ARL15: variants seen among roughly 807,000 people sequenced by gnomAD.
ARL15 encodes the protein ADP-ribosylation factor-like protein 15.
ARL15 carries 19 observed loss-of-function variants against 25.2 expected under a neutral mutation model. That is an observed-to-expected ratio of 0.75 (90% CI 0.53 to 1.10). The LOEUF is 1.10. Among genes scored for constraint, ARL15 ranks in the 50% least tolerant of loss-of-function variants. The pLI is 0.00. For missense variants in ARL15, 220 were observed against 246.0 expected, an observed-to-expected ratio of 0.89 and a Z score of 0.71; for synonymous variants, 94 against 86.8, an observed-to-expected ratio of 1.08 and a Z score of -0.46.
chr5:54,213,568 G>A (rs1435336862), intron 1 of ARL15, among the ~76,000 whole-genome samples: 2 of 152,178 alleles, frequency 1.3e-5, no homozygotes, highest in Non-Finnish European at 2.9e-5. Flanking sequence ...TTAGCAGTTT[G>A]AGGAAAACAG....
chr5:54,242,315 G>A (rs573472293), intron 1 of ARL15, among the ~76,000 whole-genome samples: 24 of 152,246 alleles, frequency 1.6e-4, no homozygotes, highest in African/African-American at 5.5e-4. Flanking sequence ...ATCCTGCATA[G>A]GGAAAGGCCT....
chr5:54,059,414 A>G (rs1331969488), intron 4 of ARL15, among the ~76,000 whole-genome samples: 2 of 152,252 alleles, frequency 1.3e-5, no homozygotes, highest in African/African-American at 2.4e-5. Flanking sequence ...TTTTAATTCA[A>G]CATAGTGCAC....
intron 1 of ARL15, among the ~76,000 whole-genome samples, chr5:54,289,765 T>C (rs1016700444): frequency 6.6e-6 from 1 of 152,246 alleles, no homozygotes; most frequent in Non-Finnish European, 1.5e-5. Context: ...ACCTATTTCA[T>C]TGGGTACTAA....
At chr5:54,159,028 C>T (rs1182072189) in intron 2 of ARL15, among the ~76,000 whole-genome samples, 1 of 152,142 alleles carries the variant, frequency 6.6e-6, no homozygotes, top group Non-Finnish European at 1.5e-5. Context: ...AGTCAACTGA[C>T]CAAAATACAC....
chr5:54,222,969 G>A (rs909633295), intron 1 of ARL15, among the ~76,000 whole-genome samples: 2 of 147,640 alleles, frequency 1.4e-5, no homozygotes, highest in East Asian at 4.0e-4. Context: ...ACAGGCACGC[G>A]TCACTATGCC....
At chr5:54,131,194 C>T (rs569962754) in intron 3 of ARL15, among the ~76,000 whole-genome samples, 3 of 152,230 alleles carry the variant, frequency 2.0e-5, no homozygotes, top group African/African-American at 7.2e-5. Context: ...ATGTGAAAAA[C>T]CTTGCAAAGC....
intron 4 of ARL15, among the ~76,000 whole-genome samples, chr5:54,087,589 A>G (rs1187900346): frequency 6.6e-6 from 1 of 152,172 alleles, no homozygotes; most frequent in Non-Finnish European, 1.5e-5. Context: ...ACTTACCACA[A>G]ATATTCCACT....
chr5:54,249,034 C>G (rs1757168030), intron 1 of ARL15, among the ~76,000 whole-genome samples: 1 of 151,384 alleles, frequency 6.6e-6, no homozygotes, highest in South Asian at 2.1e-4. Flanking sequence ...GAGACCCTGT[C>G]TCTAAAAAAA....
chr5:54,035,429 T>C (rs1750137849), intron 4 of ARL15, among the ~76,000 whole-genome samples: 1 of 152,224 alleles, frequency 6.6e-6, no homozygotes, highest in Non-Finnish European at 1.5e-5. Context: ...ACACATATCC[T>C]TATAGGTTTC....
At chr5:54,261,457 C>T (rs1326911045) in intron 1 of ARL15, among the ~76,000 whole-genome samples, 2 of 152,004 alleles carry the variant, frequency 1.3e-5, no homozygotes, top group East Asian at 1.9e-4. Context: ...GATTCTAGGG[C>T]CAACCACTTT....
At chr5:54,021,319 G>A (rs1438703091) in intron 4 of ARL15, among the ~76,000 whole-genome samples, 1 of 152,250 alleles carries the variant, frequency 6.6e-6, no homozygotes, top group East Asian at 1.9e-4. Context: ...TGGGCAACAA[G>A]AGTGAAACTC....
chr5:54,207,068 C>T (rs942724131), intron 1 of ARL15, among the ~76,000 whole-genome samples: 13 of 152,226 alleles, frequency 8.5e-5, no homozygotes, highest in African/African-American at 2.7e-4. Context: ...TCTCAAAGCA[C>T]CCACGTTCCT....
intron 4 of ARL15, among the ~76,000 whole-genome samples, chr5:54,085,918 C>T: frequency 7.0e-6 from 1 of 143,062 alleles, no homozygotes; most frequent in South Asian, 2.2e-4. Flanking sequence ...CACACATGAG[C>T]TTTTTTTTTT....
intron 1 of ARL15, among the ~76,000 whole-genome samples, chr5:54,200,790 T>G (rs539522330): frequency 7.9e-5 from 12 of 152,286 alleles, no homozygotes; most frequent in African/African-American, 2.6e-4. Context: ...GATGGCAAAC[T>G]TTTTATTCAT....
At chr5:54,176,993 A>T (rs770537113) in intron 1 of ARL15, among the ~76,000 whole-genome samples, 1 of 152,084 alleles carries the variant, frequency 6.6e-6, no homozygotes, top group East Asian at 1.9e-4. Context: ...CTAAACACAC[A>T]CAACCTGTCC....
intron 4 of ARL15, among the ~76,000 whole-genome samples, chr5:53,996,265 G>A (rs1258761294): frequency 1.3e-5 from 2 of 152,178 alleles, no homozygotes; most frequent in African/African-American, 4.8e-5. Context: ...GGAGCCTCTG[G>A]TTGACGAAAT....
intron 4 of ARL15, among the ~76,000 whole-genome samples, chr5:54,056,498 C>T (rs1432058873): frequency 6.6e-6 from 1 of 151,682 alleles, no homozygotes; most frequent in African/African-American, 2.4e-5. Context: ...GGCATGCTGG[C>T]GTGCCCCTGT....
chr5:54,011,234 A>T (rs923350140), intron 4 of ARL15, among the ~76,000 whole-genome samples: 3 of 146,364 alleles, frequency 2.0e-5, no homozygotes, highest in Non-Finnish European at 4.5e-5. Flanking sequence ...GAATATCCAG[A>T]GTTCTATACA....
At chr5:54,114,125 C>T (rs908107275) in intron 3 of ARL15, among the ~76,000 whole-genome samples, 16 of 152,024 alleles carry the variant, frequency 1.1e-4, no homozygotes, top group South Asian at 4.1e-4. Context: ...AGGCTGGGCG[C>T]GGTGGTTCAC....
Sources: gnomAD v4.1 joint callset for allele counts (sites outside exome capture counted in the v4.1 genomes callset) on GRCh38, gnomAD v4.1.1 for gene constraint, MANE v1.5 for transcripts, NCBI Gene and HGNC (gene_info 2026-07-23, HGNC 2026-07-21) for gene names.